The following KIDINS220 variants were observed in gnomAD, a reference collection of about 807,000 sequenced individuals.
The protein encoded by KIDINS220 is kinase D interacting substrate 220.
KIDINS220 carries 63 observed loss-of-function variants against 157.6 expected under a neutral mutation model. That is an observed-to-expected ratio of 0.40 (90% CI 0.33 to 0.49). The LOEUF is 0.49. KIDINS220 is among the 20% of genes least tolerant of loss of function. The pLI is 0.66. For missense variants in KIDINS220, 1,772 were observed against 2,171.2 expected (o/e 0.82, Z 3.65); for synonymous variants, 732 against 783.6 (o/e 0.93, Z 1.10).
intron 22 of KIDINS220, among the ~76,000 whole-genome samples, chr2:8,764,339 A>G (rs1283770235): frequency 1.3e-5 from 2 of 152,208 alleles, no homozygotes; most frequent in East Asian, 1.9e-4. Flanking sequence ...AGAATACACC[A>G]CTAAATAATT....
intron 22 of KIDINS220, among the ~76,000 whole-genome samples, chr2:8,758,064 T>C (rs1572527230): frequency 6.6e-6 from 1 of 152,186 alleles, no homozygotes; most frequent in East Asian, 1.9e-4. Context: ...GGTTTCACCA[T>C]GCTGGCCAGG....
At chr2:8,809,276 C>G (rs1261358657) in intron 6 of KIDINS220, among the ~76,000 whole-genome samples, 1 of 152,142 alleles carries the variant, frequency 6.6e-6, no homozygotes, top group Non-Finnish European at 1.5e-5. Context: ...CTGCCTCGGC[C>G]TCCCAAAGTG....
chr2:8,792,786 A>T (rs1467112105), intron 12 of KIDINS220, among the ~76,000 whole-genome samples: 2 of 152,164 alleles, frequency 1.3e-5, no homozygotes, highest in East Asian at 3.9e-4. Context: ...AATAATCCTA[A>T]TTGTACCCCC....
intron 21 of KIDINS220, among the ~76,000 whole-genome samples, chr2:8,773,549 T>A (rs138239674): frequency 0.04 from 6,080 of 151,898 alleles, 247 homozygotes; most frequent in African/African-American, 0.1. Flanking sequence ...CTCAGCTCAC[T>A]GCAAACTCTG....
At chr2:8,816,231 T>C (rs779175440) in intron 4 of KIDINS220, among the ~76,000 whole-genome samples, 1 of 152,214 alleles carries the variant, frequency 6.6e-6, no homozygotes, top group Non-Finnish European at 1.5e-5. Flanking sequence ...TTTTACACAT[T>C]CATAACGTAT....
At chr2:8,801,845 C>T (rs1674752134) in intron 8 of KIDINS220, among the ~76,000 whole-genome samples, 1 of 152,096 alleles carries the variant, frequency 6.6e-6, no homozygotes, top group Non-Finnish European at 1.5e-5. Flanking sequence ...AAGTTGAGGC[C>T]ACAGTGAGCT....
chr2:8,789,852 T>C (rs761588497), intron 14 of KIDINS220, 28 bp downstream of exon 14: 2 of 1,505,330 alleles, frequency 1.3e-6, no homozygotes, highest in Non-Finnish European at 1.8e-6. Flanking sequence ...TTCTCCATTT[T>C]TGAAAAAGAT....
At chr2:8,744,128 T>C (rs1666015113) in intron 26 of KIDINS220, among the ~76,000 whole-genome samples, 1 of 145,778 alleles carries the variant, frequency 6.9e-6, no homozygotes, top group Non-Finnish European at 1.5e-5. Flanking sequence ...TTTTATAATA[T>C]AAATATGTTA....
At chr2:8,821,301 T>C (rs1677921274) in intron 2 of KIDINS220, among the ~76,000 whole-genome samples, 1 of 151,924 alleles carries the variant, frequency 6.6e-6, no homozygotes, top group Non-Finnish European at 1.5e-5. Context: ...GTCCACCCAG[T>C]ATCTAGAAAG....
At chr2:8,779,234 A>G (rs191415634) in intron 18 of KIDINS220, 95 bp from the exon 19 acceptor site, 1 of 1,432,958 alleles carries the variant, frequency 7.0e-7, no homozygotes, top group Non-Finnish European at 9.4e-7. Context: ...TTTGGTGACA[A>G]TATTTCTAAA....
At chr2:8,737,854 C>A (rs1243263365) in intron 26 of KIDINS220, among the ~76,000 whole-genome samples, 1 of 152,186 alleles carries the variant, frequency 6.6e-6, no homozygotes, top group Non-Finnish European at 1.5e-5. Context: ...TAAACCTGAA[C>A]CAGAACTGTA....
chr2:8,747,222 A>G (rs774245288), intron 25 of KIDINS220, 21 bp from the exon 26 acceptor site: 2 of 1,613,096 alleles, frequency 1.2e-6, no homozygotes, highest in Admixed American at 1.7e-5. Flanking sequence ...AAAACAGGAG[A>G]GTGTGGGTGA....
chr2:8,812,193 T>C (rs775484238), intron 6 of KIDINS220, among the ~76,000 whole-genome samples: 5 of 152,084 alleles, frequency 3.3e-5, no homozygotes, highest in Admixed American at 2.0e-4. Flanking sequence ...GAATGTGACA[T>C]AAGAAAACAT....
intron 7 of KIDINS220, among the ~76,000 whole-genome samples, chr2:8,803,523 G>A (rs994250067): frequency 6.6e-6 from 1 of 151,964 alleles, no homozygotes; most frequent in Non-Finnish European, 1.5e-5. Context: ...TCCAAAGTCA[G>A]GTGAATCAGA....
intron 9 of KIDINS220, among the ~76,000 whole-genome samples, chr2:8,798,672 C>A (rs879245499): frequency 6.6e-6 from 1 of 152,154 alleles, no homozygotes; most frequent in Admixed American, 6.5e-5. Context: ...GTAAGTATTG[C>A]CCAATTTTTC....
intron 2 of KIDINS220, among the ~76,000 whole-genome samples, chr2:8,819,146 A>C (rs1677522722): frequency 6.6e-6 from 1 of 152,208 alleles, no homozygotes; most frequent in South Asian, 2.1e-4. Flanking sequence ...CTAACAATAC[A>C]GGTAGAATAT....
intron 22 of KIDINS220, chr2:8,757,854 A>G (rs1334169292): frequency 1.5e-6 from 2 of 1,349,626 alleles, no homozygotes; most frequent in East Asian, 2.3e-5. Context: ...GGAATTCTGT[A>G]TGTTTTCTTT....
chr2:8,740,276 G>T, intron 26 of KIDINS220: 1 of 524,684 alleles, frequency 1.9e-6, no homozygotes, highest in Non-Finnish European at 2.4e-6. Flanking sequence ...CACAGGCAGA[G>T]CTTCATCATT....
At chr2:8,725,557 CTTATTAT>C (rs1384254877), downstream of KIDINS220, 1 of 152,158 alleles carries the variant, frequency 6.6e-6, no homozygotes, top group Non-Finnish European at 1.5e-5. Flanking sequence ...TCTTCACCCC[CTTATTAT>C]TTGGTGAGGA....
Sources: allele counts gnomAD v4.1 joint callset (sites outside exome capture counted in the v4.1 genomes callset), GRCh38; gene constraint gnomAD v4.1.1; transcripts MANE v1.5; gene names NCBI Gene and HGNC (gene_info 2026-07-23, HGNC 2026-07-21).